The following THSD7B variants were observed in gnomAD, a reference collection of about 807,000 sequenced individuals.
THSD7B encodes the protein thrombospondin type-1 domain-containing protein 7B.
A neutral mutation model predicts 213.6 loss-of-function variants in THSD7B; 138 were observed. The ratio of observed to expected loss-of-function variants is 0.65; its 90% CI spans 0.56 to 0.74. The LOEUF (loss-of-function observed/expected upper bound fraction) is 0.74. THSD7B is among the 30% of genes least tolerant of loss of function. The pLI is 0.00. For synonymous variants in THSD7B, 742 were observed against 687.0 expected, an observed-to-expected ratio of 1.08 and a Z score of -1.25; for missense variants, 1,931 against 1,991.5, an observed-to-expected ratio of 0.97 and a Z score of 0.58.
chr2:137,470,232 C>T (rs142288791), intron 15 of THSD7B, among the ~76,000 whole-genome samples: 51 of 152,298 alleles, frequency 3.3e-4, no homozygotes, highest in African/African-American at 1.1e-3. Flanking sequence ...ATATGGGAAG[C>T]AGATTAACTC....
chr2:137,302,338 G>A (rs1683626731), intron 12 of THSD7B, among the ~76,000 whole-genome samples: 1 of 152,110 alleles, frequency 6.6e-6, no homozygotes, highest in Non-Finnish European at 1.5e-5. Flanking sequence ...GACCCAGAGA[G>A]GATGGAGTCT....
chr2:136,955,597 T>A (rs1685110488), intron 2 of THSD7B, among the ~76,000 whole-genome samples: 1 of 152,196 alleles, frequency 6.6e-6, no homozygotes, highest in South Asian at 2.1e-4. Context: ...GTTTAGGACA[T>A]GAGTTTTCTT....
chr2:136,997,776 T>C (rs1685921862), intron 2 of THSD7B, among the ~76,000 whole-genome samples: 1 of 152,112 alleles, frequency 6.6e-6, no homozygotes, highest in Admixed American at 6.5e-5. Context: ...TTGATTTATG[T>C]CATGGAAGTG....
intron 2 of THSD7B, among the ~76,000 whole-genome samples, chr2:136,888,551 T>C (rs1198262026): frequency 6.6e-6 from 1 of 152,112 alleles, no homozygotes; most frequent in Non-Finnish European, 1.5e-5. Flanking sequence ...CTGGAAATTT[T>C]ACTTATGTTG....
intron 2 of THSD7B, among the ~76,000 whole-genome samples, chr2:136,927,788 G>A (rs1684564977): frequency 6.6e-6 from 1 of 152,202 alleles, no homozygotes; most frequent in African/African-American, 2.4e-5. Context: ...AAGTTTGGCA[G>A]GAGTGAACTT....
intron 2 of THSD7B, among the ~76,000 whole-genome samples, chr2:136,961,083 C>T (rs554957224): frequency 1.5e-4 from 6 of 41,274 alleles, no homozygotes; most frequent in South Asian, 1.7e-3. Flanking sequence ...AGCAAGACTC[C>T]GTCTCAAAAA....
intron 12 of THSD7B, among the ~76,000 whole-genome samples, chr2:137,382,281 A>G (rs1685794697): frequency 6.6e-6 from 1 of 152,222 alleles, no homozygotes; most frequent in Admixed American, 6.5e-5. Context: ...TTGCAGATTT[A>G]GAAGTGGCAA....
chr2:137,552,075 T>C (rs1389331869), intron 15 of THSD7B, among the ~76,000 whole-genome samples: 1 of 152,122 alleles, frequency 6.6e-6, no homozygotes, highest in African/African-American at 2.4e-5. Context: ...AATTGCAACC[T>C]TCCAAAAGAC....
chr2:137,182,421 C>G (rs972956091), intron 7 of THSD7B, among the ~76,000 whole-genome samples: 1 of 145,994 alleles, frequency 6.8e-6, no homozygotes, highest in Non-Finnish European at 1.5e-5. Context: ...ATGTTCACAG[C>G]TGTGATAGTG....
At chr2:136,799,255 T>C (rs542028500) in intron 1 of THSD7B, among the ~76,000 whole-genome samples, 2 of 152,138 alleles carry the variant, frequency 1.3e-5, no homozygotes, top group East Asian at 3.9e-4. Flanking sequence ...TAATCCAATT[T>C]CTTAGATTCT....
intron 12 of THSD7B, among the ~76,000 whole-genome samples, chr2:137,324,349 T>C (rs78452849): frequency 1.3e-5 from 2 of 152,346 alleles, no homozygotes; most frequent in African/African-American, 4.8e-5. Flanking sequence ...CCCTGAGTTA[T>C]ATAATCGTGG....
chr2:137,563,233 G>A lies in THSD7B; in HGVS notation c.3151G>A (p.Val1051Ile), dbSNP rs1558840938. The stretch of plus-strand genomic sequence containing the variant: ...CTGTTCTTGACAGGTACATGAGGCA[G>A]TCCCATGTTACAGTGAGTGCAATCA... ...LDLKNQVHEA[V>I]PCYSECNQYS... is the part of the protein sequence containing the mutation. The change falls in exon 16 of 28, where the codon GTC (valine) becomes ATC (isoleucine). Residue 1051 changes from valine (V) to isoleucine (I), a missense_variant. Val to Ile is a conservative substitution (Grantham distance 29, BLOSUM62 3). Transcript: ENST00000409968. 6.2e-7 allele frequency: 1 copy of A among 1,613,284 alleles called. No individual in the cohort carries two copies. Among genetic ancestry groups the A allele is most frequent in the African/African-American group, 1.3e-5 (1 of 75,012 alleles).
At chr2:136,815,892 AT>A (rs1238004405) in intron 1 of THSD7B, among the ~76,000 whole-genome samples, 2 of 151,510 alleles carry the variant, frequency 1.3e-5, no homozygotes, top group Admixed American at 6.6e-5. Context: ...TTTTATTTTT[AT>A]TTTTTTTCTG....
chr2:137,428,916 C>A (rs940946641), intron 14 of THSD7B, among the ~76,000 whole-genome samples: 2 of 152,102 alleles, frequency 1.3e-5, no homozygotes, highest in African/African-American at 4.8e-5. Flanking sequence ...CTTGAGGGAA[C>A]CTGCTTGTCA....
chr2:137,082,031 C>A (rs563572320), intron 3 of THSD7B, among the ~76,000 whole-genome samples: 1 of 152,128 alleles, frequency 6.6e-6, no homozygotes, highest in Non-Finnish European at 1.5e-5. Context: ...TTATCCATGA[C>A]TGCCACTTCC....
At chr2:137,464,407 A>C (rs1338960518) in intron 15 of THSD7B, among the ~76,000 whole-genome samples, 3 of 152,074 alleles carry the variant, frequency 2.0e-5, no homozygotes, top group Non-Finnish European at 4.4e-5. Flanking sequence ...AGAGAAGAAG[A>C]AGCCAAGAGA....
At chr2:137,244,829 A>G (rs1033533559) in intron 10 of THSD7B, among the ~76,000 whole-genome samples, 4 of 152,196 alleles carry the variant, frequency 2.6e-5, no homozygotes, top group African/African-American at 7.2e-5. Flanking sequence ...AGATATTATT[A>G]AGTAACTATG....
At chr2:137,388,344 TAA>T (rs59017100) in intron 12 of THSD7B, among the ~76,000 whole-genome samples, 3 of 143,782 alleles carry the variant, frequency 2.1e-5, no homozygotes, top group African/African-American at 5.1e-5. Flanking sequence ...AAAGTAACAG[TAA>T]AAAAAAAAAG....
chr2:137,186,586 C>T (rs1392405549), intron 7 of THSD7B, among the ~76,000 whole-genome samples: 2 of 151,812 alleles, frequency 1.3e-5, no homozygotes, highest in Non-Finnish European at 2.9e-5. Context: ...GTGTTTGTAC[C>T]CATACTATGT....
Sources: gnomAD v4.1 joint callset for allele counts (sites outside exome capture counted in the v4.1 genomes callset) on GRCh38, gnomAD v4.1.1 for gene constraint, MANE v1.5 for transcripts, NCBI Gene and HGNC (gene_info 2026-07-23, HGNC 2026-07-21) for gene names.